CDH13: variants seen among roughly 807,000 people sequenced by gnomAD.
CDH13 encodes the protein cadherin 13.
CDH13 carries 24 observed loss-of-function variants against 63.8 expected under a neutral mutation model. That is an observed-to-expected ratio of 0.38 (90% CI 0.27 to 0.53). The LOEUF is 0.53. CDH13 is among the 20% of genes least tolerant of loss of function. CDH13 has a pLI of 0.85. For synonymous variants in CDH13, 503 were observed against 355.3 expected (o/e 1.42, Z -4.67); for missense variants, 1,049 against 903.1 (o/e 1.16, Z -2.07).
intron 5 of CDH13, among the ~76,000 whole-genome samples, chr16:83,279,517 C>A (rs2089096535): frequency 1.3e-5 from 2 of 152,156 alleles, no homozygotes; most frequent in African/African-American, 4.8e-5. Context: ...ATTCTGGAAA[C>A]CGCTGCTAAA....
chr16:83,478,464 C>T (rs2073670084), intron 6 of CDH13, among the ~76,000 whole-genome samples: 1 of 152,092 alleles, frequency 6.6e-6, no homozygotes, highest in African/African-American at 2.4e-5. Flanking sequence ...AGGTCATTAG[C>T]ATCTTCATCA....
chr16:83,708,246 A>G (rs1345302420), intron 10 of CDH13, among the ~76,000 whole-genome samples: 1 of 152,134 alleles, frequency 6.6e-6, no homozygotes, highest in Non-Finnish European at 1.5e-5. Flanking sequence ...CTCCTCTCAA[A>G]TACTTCCCAG....
chr16:82,858,670 T>G (rs1381487875), intron 2 of CDH13, 197 bp downstream of exon 2: 4 of 620,854 alleles, frequency 6.4e-6, no homozygotes, highest in Non-Finnish European at 1.2e-5. Flanking sequence ...GTGATATGCA[T>G]CTCTTTTTAG....
intron 7 of CDH13, among the ~76,000 whole-genome samples, chr16:83,527,001 G>T (rs903626771): frequency 2.0e-5 from 3 of 151,956 alleles, no homozygotes; most frequent in African/African-American, 7.2e-5. Context: ...GCGTGGTGGT[G>T]CGCACCTGTA....
At chr16:83,346,000 C>G (rs1304034403) in intron 6 of CDH13, among the ~76,000 whole-genome samples, 1 of 152,138 alleles carries the variant, frequency 6.6e-6, no homozygotes, top group East Asian at 1.9e-4. Context: ...GTAACCTTCC[C>G]AGACAACCAG....
At chr16:82,738,622 A>G (rs533961739) in intron 1 of CDH13, among the ~76,000 whole-genome samples, 1 of 152,356 alleles carries the variant, frequency 6.6e-6, no homozygotes, top group South Asian at 2.1e-4. Context: ...ACTAAAATAG[A>G]AAGATACCTT....
intron 7 of CDH13, among the ~76,000 whole-genome samples, chr16:83,589,976 T>G (rs1046158599): frequency 1.3e-5 from 2 of 151,990 alleles, no homozygotes; most frequent in African/African-American, 4.8e-5. Flanking sequence ...GGGCAGAGGG[T>G]ACAGCATAAG....
intron 2 of CDH13, among the ~76,000 whole-genome samples, chr16:83,031,178 G>A (rs912921875): frequency 1.6e-4 from 23 of 143,014 alleles, no homozygotes; most frequent in African/African-American, 3.3e-4. Context: ...ATATACATGC[G>A]CATGTATACA....
chr16:83,107,265 C>T (rs1294592947), intron 3 of CDH13, among the ~76,000 whole-genome samples: 2 of 152,060 alleles, frequency 1.3e-5, no homozygotes, highest in South Asian at 2.1e-4. Flanking sequence ...CCAGAGAAAC[C>T]AGGAAAAGGG....
intron 7 of CDH13, among the ~76,000 whole-genome samples, chr16:83,524,248 A>G (rs867256186): frequency 6.6e-6 from 1 of 152,162 alleles, no homozygotes; most frequent in Non-Finnish European, 1.5e-5. Flanking sequence ...TGCAGTGTAC[A>G]TGAGTAATAT....
At chr16:82,936,780 C>G (rs1328924335) in intron 2 of CDH13, among the ~76,000 whole-genome samples, 2 of 152,148 alleles carry the variant, frequency 1.3e-5, no homozygotes, top group African/African-American at 4.8e-5. Context: ...AGTGCATTGC[C>G]CACACAACTG....
chr16:83,541,948 A>C (rs560644341), intron 7 of CDH13, among the ~76,000 whole-genome samples: 2 of 152,316 alleles, frequency 1.3e-5, no homozygotes, highest in South Asian at 4.1e-4. Context: ...TTCCCTAGCA[A>C]GTGTCCAGCA....
chr16:82,863,070 G>A (rs1361105859), intron 2 of CDH13, among the ~76,000 whole-genome samples: 1 of 152,136 alleles, frequency 6.6e-6, no homozygotes, highest in African/African-American at 2.4e-5. Flanking sequence ...TCTGGCAAAC[G>A]TAGAAGAACA....
At chr16:83,461,497 G>A (rs928391347) in intron 6 of CDH13, among the ~76,000 whole-genome samples, 2 of 152,130 alleles carry the variant, frequency 1.3e-5, no homozygotes, top group African/African-American at 4.8e-5. Flanking sequence ...TTAAAAACCA[G>A]TTCACTAAAT....
intron 5 of CDH13, among the ~76,000 whole-genome samples, chr16:83,270,458 A>C (rs1320239212): frequency 6.6e-6 from 1 of 152,206 alleles, no homozygotes; most frequent in Non-Finnish European, 1.5e-5. Context: ...TCCCTTAGTA[A>C]GCCACCCCCA....
At chr16:82,706,473 C>T (rs2031499246) in intron 1 of CDH13, among the ~76,000 whole-genome samples, 1 of 151,840 alleles carries the variant, frequency 6.6e-6, no homozygotes, top group Non-Finnish European at 1.5e-5. Flanking sequence ...AGGTGGTTGG[C>T]CTGGAGAAAA....
intron 6 of CDH13, among the ~76,000 whole-genome samples, chr16:83,389,602 G>T (rs1159927844): frequency 6.6e-6 from 1 of 152,058 alleles, no homozygotes; most frequent in Non-Finnish European, 1.5e-5. Context: ...CATTTATTCT[G>T]CAGATAGTCC....
intron 7 of CDH13, among the ~76,000 whole-genome samples, chr16:83,558,944 G>A (rs147752647): frequency 2.7e-5 from 3 of 110,680 alleles, no homozygotes; most frequent in African/African-American, 3.4e-5. Flanking sequence ...AGACAGAGAG[G>A]TCAGTGTCCA....
intron 4 of CDH13, among the ~76,000 whole-genome samples, chr16:83,196,185 G>A (rs1359954317): frequency 1.3e-5 from 2 of 152,172 alleles, no homozygotes; most frequent in Non-Finnish European, 2.9e-5. Context: ...GAACCCGGGA[G>A]GCGGAGGTTG....
Sources: gnomAD v4.1 joint callset for allele counts (sites outside exome capture counted in the v4.1 genomes callset) on GRCh38, gnomAD v4.1.1 for gene constraint, MANE v1.5 for transcripts, NCBI Gene and HGNC (gene_info 2026-07-23, HGNC 2026-07-21) for gene names.